Variants in ADSL observed in about 807,000 individuals in gnomAD.
The protein encoded by ADSL is adenylosuccinate lyase, also known as adenylosuccinase.
ADSL carries 44 observed loss-of-function variants against 62.1 expected under a neutral mutation model. The ratio of observed to expected loss-of-function variants is 0.71; its 90% CI spans 0.56 to 0.91. The LOEUF (loss-of-function observed/expected upper bound fraction) is 0.91, where lower values mean the gene tolerates loss of function less well. Among genes scored for constraint, ADSL ranks in the 40% least tolerant of loss-of-function variants. The probability of loss-of-function intolerance (pLI) is 0.00; values close to 1 mark genes in which losing one functional copy is unlikely to be tolerated. For synonymous variants in ADSL, 198 were observed against 220.5 expected, an observed-to-expected ratio of 0.90 and a Z score of 0.90; for missense variants, 531 against 627.4, an observed-to-expected ratio of 0.85 and a Z score of 1.64.
intron 2 of ADSL, among the ~76,000 whole-genome samples, chr22:40,386,880 G>A (rs915950432): frequency 6.6e-6 from 1 of 152,002 alleles, no homozygotes; most frequent in Admixed American, 6.6e-5. Context: ...AAGTTGGTTT[G>A]CTCTTATGAG....
At chr22:40,353,277 T>C (rs1329026948) in intron 3 of ADSL, 160 bp downstream of exon 3, 8 of 709,144 alleles carry the variant, frequency 1.1e-5, no homozygotes, top group Non-Finnish European at 2.1e-5. Flanking sequence ...TAATTGTTTC[T>C]TCTTCTCCTT....
chr22:40,354,217 A>T (rs772411913), intron 3 of ADSL, 31 bp from the exon 4 acceptor site: 1 of 1,596,072 alleles, frequency 6.3e-7, no homozygotes, highest in Non-Finnish European at 8.6e-7. Context: ...CCTGAATTCA[A>T]CCTCTTTCTA....
chr22:40,381,604 G>C (rs2047594871), intron 2 of ADSL, among the ~76,000 whole-genome samples: 1 of 152,108 alleles, frequency 6.6e-6, no homozygotes, highest in South Asian at 2.1e-4. Context: ...ATAAGCATGA[G>C]AGCCCTTTAT....
In ADSL at chr22:40,358,935, A is replaced by C; in HGVS notation, c.554A>C (p.Asn185Thr). The change falls in exon 5 of 13, where the codon AAC becomes ACC. Residue 185 changes from asparagine (N) to threonine (T), a missense_variant. By Grantham distance (65) the Asn-to-Thr change is moderately conservative. This residue lies in a region of ADSL where 471 missense variants were observed against 592.9 expected (regional missense o/e 0.79). Transcript: ENST00000623063. ...WIQDLCMDLQ[N>T]LKRVRDDLRF... ...CAGGATCTTTGCATGGATCTCCAGA[A>C]CTTGAAGCGTGTCCGAGATGACCTG... 1 of 1,614,160 alleles carries C rather than the reference A, an allele frequency of 6.2e-7. No homozygotes were observed. The highest frequency in any genetic ancestry group is 8.5e-7 in the Non-Finnish European group (1 of 1,180,042).
intron 2 of ADSL, among the ~76,000 whole-genome samples, chr22:40,384,504 G>A (rs1239264103): frequency 6.6e-6 from 1 of 152,196 alleles, no homozygotes; most frequent in East Asian, 1.9e-4. Flanking sequence ...ATATTGGCCA[G>A]GTGCGGTGGC....
At chr22:40,358,748 C>T in intron 4 of ADSL, 116 bp from the exon 5 acceptor site, 2 of 927,652 alleles carry the variant, frequency 2.2e-6, no homozygotes. Context: ...TACTCCCTCT[C>T]TTACTTAAAT....
intron 10 of ADSL, 108 bp downstream of exon 10, chr22:40,363,179 C>G: frequency 9.8e-7 from 1 of 1,017,186 alleles, no homozygotes; most frequent in Admixed American, 1.8e-5. Context: ...GATAGGCATT[C>G]TTCCCACCCG....
intron 10 of ADSL, among the ~76,000 whole-genome samples, chr22:40,363,629 G>A (rs2044878780): frequency 2.0e-5 from 3 of 151,812 alleles, no homozygotes; most frequent in Admixed American, 1.3e-4. Context: ...CGAGCTACTC[G>A]GGAGACTGAG....
intron 2 of ADSL, among the ~76,000 whole-genome samples, chr22:40,385,778 C>T (rs768299858): frequency 3.3e-5 from 5 of 152,028 alleles, no homozygotes; most frequent in Non-Finnish European, 7.4e-5. Flanking sequence ...GCTGAGCAAC[C>T]GTGAAGATAA....
At chr22:40,360,319 CT>C in intron 6 of ADSL, 82 bp from the exon 7 acceptor site, 1 of 1,194,836 alleles carries the variant, frequency 8.4e-7, no homozygotes, top group Admixed American at 1.7e-5. Flanking sequence ...CGTTAGCCTC[CT>C]AAGTAGCTGG....
chr22:40,374,260 G>A (rs924184935), downstream of ADSL, among the ~76,000 whole-genome samples: 2 of 152,076 alleles, frequency 1.3e-5, no homozygotes, highest in African/African-American at 2.4e-5. Context: ...CCAATAGGGC[G>A]GTTTTTATAG....
At chr22:40,360,295 A>C in intron 6 of ADSL, 107 bp from the exon 7 acceptor site, 1 of 876,520 alleles carries the variant, frequency 1.1e-6, no homozygotes, top group Non-Finnish European at 1.9e-6. Context: ...TCCTGAGTTA[A>C]AGCAGTCCTC....
Position 40,346,577 on chromosome 22 carries a change from C to G in ADSL, c.19C>G (p.His7Asp), listed in dbSNP as rs778590882. The change falls in exon 1 of 13, where the codon CAT (histidine) becomes GAT (aspartate). Residue 7 changes from histidine (H) to aspartate (D), a missense_variant. This residue lies in a region of ADSL where 60 missense variants were observed against 34.5 expected (regional missense o/e 1.74). Transcript: ENST00000623063. ...GGTTGGGATGGCGGCTGGAGGCGATCATGGTTCGCCCGACAGCTACCGCTC... is the reference window on the plus strand; with the variant it reads ...GGTTGGGATGGCGGCTGGAGGCGATGATGGTTCGCCCGACAGCTACCGCTC... MAAGGD[H>D]GSPDSYRSPL... The G allele has an allele frequency of 1.9e-6, 3 of 1,605,806 alleles. No homozygotes were observed. The South Asian group carries it at 3.3e-5, about 18-fold the overall frequency.
At chr22:40,363,149 A>G in intron 10 of ADSL, 78 bp downstream of exon 10, 1 of 1,360,902 alleles carries the variant, frequency 7.3e-7, no homozygotes, top group South Asian at 1.2e-5. Context: ...GGGTGTGTTG[A>G]GGGAGCTGTA....
chr22:40,361,817 C>G (rs1446432565), intron 9 of ADSL, 182 bp downstream of exon 9: 5 of 807,710 alleles, frequency 6.2e-6, no homozygotes, highest in Admixed American at 2.1e-5. Flanking sequence ...GGAGTGTGTA[C>G]TGGGTACTGT....
intron 2 of ADSL, among the ~76,000 whole-genome samples, chr22:40,375,982 A>G (rs1400766794): frequency 1.3e-5 from 2 of 151,644 alleles, no homozygotes; most frequent in African/African-American, 4.8e-5. Flanking sequence ...TTGAAGCTGT[A>G]GTGAGCTGTG....
At chr22:40,377,838 C>G (rs2146769425) in intron 2 of ADSL, among the ~76,000 whole-genome samples, 1 of 147,664 alleles carries the variant, frequency 6.8e-6, no homozygotes, top group Admixed American at 6.7e-5. Flanking sequence ...AGAGCAAGAC[C>G]CTGTCTCAAA....
chr22:40,359,468 T>A (rs1367269964), intron 6 of ADSL, among the ~76,000 whole-genome samples, 162 bp downstream of exon 6: 4 of 146,674 alleles, frequency 2.7e-5, no homozygotes, highest in African/African-American at 1.0e-4. Context: ...TTTCTTACTA[T>A]CTGGATTCTT....
At chr22:40,379,629 T>C (rs956237917) in intron 2 of ADSL, among the ~76,000 whole-genome samples, 2 of 152,188 alleles carry the variant, frequency 1.3e-5, no homozygotes, top group African/African-American at 4.8e-5. Flanking sequence ...ATTAAGTAAA[T>C]ATCTTCCTCC....
Sources: gnomAD v4.1 joint callset for allele counts (sites outside exome capture counted in the v4.1 genomes callset) on GRCh38, gnomAD v4.1.1 for gene constraint, gnomAD v4.1.1 regional missense constraint, MANE v1.5 for transcripts, NCBI Gene and HGNC (gene_info 2026-07-23, HGNC 2026-07-21) for gene names.